ROBO2: variants seen among roughly 807,000 people sequenced by gnomAD.
ROBO2 encodes roundabout homolog 2.
In ROBO2, 53 loss-of-function variants were observed where a neutral mutation model predicts 160.8. The ratio of observed to expected loss-of-function variants is 0.33; its 90% confidence interval spans 0.26 to 0.41. ROBO2 has a LOEUF of 0.41. Among genes scored for constraint, ROBO2 ranks in the 10% least tolerant of loss-of-function variants. The probability of loss-of-function intolerance (pLI) is 1.00; values close to 1 mark genes in which losing one functional copy is unlikely to be tolerated. For missense variants in ROBO2, 1,577 were observed against 1,722.4 expected (o/e 0.92, Z 1.49); for synonymous variants, 664 against 611.7 (o/e 1.09, Z -1.26).
At chr3:75,912,130 G>C (rs1190714783) in intron 1 of ROBO2, among the ~76,000 whole-genome samples, 2 of 152,018 alleles carry the variant, frequency 1.3e-5, no homozygotes, top group Non-Finnish European at 2.9e-5. Flanking sequence ...TTAAAGTATA[G>C]AAAACTAGAA....
At chr3:76,146,755 C>T (rs540805317) in intron 2 of ROBO2, among the ~76,000 whole-genome samples, 1 of 105,518 alleles carries the variant, frequency 9.5e-6, no homozygotes, top group East Asian at 3.5e-4. Flanking sequence ...TGGGTATCCT[C>T]ATATCATTTT....
intron 2 of ROBO2, among the ~76,000 whole-genome samples, chr3:77,416,532 G>A (rs990723393): frequency 1.1e-4 from 16 of 151,844 alleles, no homozygotes; most frequent in African/African-American, 3.9e-4. Context: ...GCATGGCCAA[G>A]ATGGTGAAAC....
chr3:76,049,403 A>ATATATTTTTTTT (rs1414664360), intron 2 of ROBO2, among the ~76,000 whole-genome samples: 2 of 53,762 alleles, frequency 3.7e-5, no homozygotes, highest in East Asian at 6.3e-4. Context: ...ATATATATAT[A>ATATATTTTTTTT]TTTTTTTTTT....
chr3:76,211,983 A>C (rs1476164150), intron 2 of ROBO2, among the ~76,000 whole-genome samples: 1 of 152,010 alleles, frequency 6.6e-6, no homozygotes, highest in Admixed American at 6.6e-5. Context: ...TTCATACCTG[A>C]TAGATTTATG....
intron 2 of ROBO2, among the ~76,000 whole-genome samples, chr3:77,273,652 A>C (rs1358508574): frequency 6.6e-6 from 1 of 152,192 alleles, no homozygotes; most frequent in Non-Finnish European, 1.5e-5. Flanking sequence ...TGGATGACTT[A>C]AAAACATTAT....
chr3:77,387,722 G>A (rs1182822198), intron 2 of ROBO2, among the ~76,000 whole-genome samples: 3 of 151,976 alleles, frequency 2.0e-5, no homozygotes, highest in Non-Finnish European at 1.5e-5. Flanking sequence ...ACAGGCAGAA[G>A]GTTAAATATC....
intron 2 of ROBO2, among the ~76,000 whole-genome samples, chr3:75,998,997 T>G (rs143232986): frequency 5.9e-5 from 9 of 152,320 alleles, no homozygotes; most frequent in Non-Finnish European, 1.3e-4. Context: ...TAATATGTCC[T>G]CAAGTATCAT....
intron 2 of ROBO2, among the ~76,000 whole-genome samples, chr3:76,098,668 A>G (rs763732884): frequency 6.6e-6 from 1 of 152,170 alleles, no homozygotes; most frequent in South Asian, 2.1e-4. Flanking sequence ...ATCTAAATAA[A>G]ACAGAAGCAT....
At chr3:76,850,650 A>G (rs1253311784) in intron 2 of ROBO2, among the ~76,000 whole-genome samples, 2 of 151,968 alleles carry the variant, frequency 1.3e-5, no homozygotes, top group East Asian at 1.9e-4. Flanking sequence ...TCTCCTACCA[A>G]TGATCTCCAC....
Position 76,278,994 on chromosome 3 carries a change from A to T in ROBO2, c.109+341392A>T, listed in dbSNP as rs149476297. 7.1e-3 allele frequency among the ~76,000 whole-genome samples: 1,078 copies of T among 152,062 alleles called. 46 individuals are homozygous for T. Among genetic ancestry groups the T allele is most frequent in the Admixed American group, 0.06 (914 of 15,186 alleles). On this transcript the variant is annotated intron_variant, in intron 2 of 26. Coordinates refer to the ROBO2 transcript ENST00000487694. Reference sequence around the variant, plus strand: ...GGGCTTGCTAAAAATGGGATGCAGAAAAGTTCCTCCTTACTTTCTTATACT... The same window carrying T: ...GGGCTTGCTAAAAATGGGATGCAGATAAGTTCCTCCTTACTTTCTTATACT...
chr3:76,070,309 C>T (rs1559886303), intron 2 of ROBO2, among the ~76,000 whole-genome samples: 1 of 152,114 alleles, frequency 6.6e-6, no homozygotes, highest in Non-Finnish European at 1.5e-5. Flanking sequence ...AGTATGCGCA[C>T]CTGGGGTTGG....
chr3:75,921,371 T>C (rs1212354364), intron 1 of ROBO2, among the ~76,000 whole-genome samples: 1 of 147,760 alleles, frequency 6.8e-6, no homozygotes, highest in Non-Finnish European at 1.5e-5. Flanking sequence ...CACACACACA[T>C]TGCATACTTT....
At chr3:76,503,853 A>C (rs2080618322) in intron 2 of ROBO2, among the ~76,000 whole-genome samples, 1 of 152,204 alleles carries the variant, frequency 6.6e-6, no homozygotes. Flanking sequence ...TAGGTAGGAG[A>C]AACACAGCCA....
intron 16 of ROBO2, among the ~76,000 whole-genome samples, chr3:77,588,331 A>T (rs568786981): frequency 7.9e-5 from 12 of 152,226 alleles, no homozygotes; most frequent in Admixed American, 2.0e-4. Flanking sequence ...AACATTTGGA[A>T]TATGGACCGT....
At chr3:76,267,743 ATACTT>A (rs1200192270) in intron 2 of ROBO2, among the ~76,000 whole-genome samples, 3 of 152,178 alleles carry the variant, frequency 2.0e-5, no homozygotes, top group Non-Finnish European at 2.9e-5. Context: ...TAATGTTAGA[ATACTT>A]TAATGATTCT....
intron 2 of ROBO2, among the ~76,000 whole-genome samples, chr3:76,934,855 T>G (rs867245489): frequency 6.6e-6 from 1 of 152,150 alleles, no homozygotes; most frequent in Non-Finnish European, 1.5e-5. Flanking sequence ...ATTATCAGCA[T>G]AGTCAATTTT....
At chr3:76,519,639 G>C (rs2081502184) in intron 2 of ROBO2, among the ~76,000 whole-genome samples, 1 of 152,068 alleles carries the variant, frequency 6.6e-6, no homozygotes, top group Non-Finnish European at 1.5e-5. Context: ...TATACCCGGG[G>C]ATTTGCATAC....
At chr3:76,142,103 A>C (rs1475452975) in intron 2 of ROBO2, among the ~76,000 whole-genome samples, 1 of 152,050 alleles carries the variant, frequency 6.6e-6, no homozygotes, top group African/African-American at 2.4e-5. Context: ...AGGGATAATA[A>C]AAAATAAGTT....
intron 2 of ROBO2, among the ~76,000 whole-genome samples, chr3:76,206,851 A>G (rs1056356868): frequency 1.3e-5 from 2 of 152,198 alleles, no homozygotes; most frequent in Non-Finnish European, 2.9e-5. Context: ...AGCTAGGCAC[A>G]TCATTAATGA....
Sources: allele counts gnomAD v4.1 joint callset (sites outside exome capture counted in the v4.1 genomes callset), GRCh38; gene constraint gnomAD v4.1.1; transcripts MANE v1.5; gene names NCBI Gene and HGNC (gene_info 2026-07-23, HGNC 2026-07-21).